GRK2: variants seen among roughly 807,000 people sequenced by gnomAD.
GRK2 encodes the protein G protein-coupled receptor kinase 2, also known as adrenergic beta receptor kinase 1.
GRK2 carries 23 observed loss-of-function variants against 97.8 expected under a neutral mutation model. That is an observed-to-expected ratio of 0.24 (90% confidence interval 0.17 to 0.33). GRK2 has a LOEUF of 0.33. Among genes scored for constraint, GRK2 ranks in the 10% least tolerant of loss-of-function variants. The probability of loss-of-function intolerance (pLI) is 1.00; values close to 1 mark genes in which losing one functional copy is unlikely to be tolerated. For synonymous variants in GRK2, 425 were observed against 381.7 expected, an observed-to-expected ratio of 1.11 and a Z score of -1.32; for missense variants, 633 against 956.9, an observed-to-expected ratio of 0.66 and a Z score of 4.47.
chr11:67,282,947 C>A lies in GRK2; in HGVS notation c.1227+129C>A. 1 of 1,199,392 alleles carries A rather than the reference C, an allele frequency of 8.3e-7. No homozygotes were observed. Among genetic ancestry groups the A allele is most frequent in the Non-Finnish European group, 1.2e-6 (1 of 840,762 alleles). 74.3% of individuals were successfully genotyped at this position (1,199,392 alleles called of 1,614,324 possible). A position where few individuals can be genotyped will look rare whatever the true frequency, so the allele number is the denominator to read the frequency against. ...CTGACCCCTACTCTGGCCTCTGAGA[C>A]AGACCTCCTGCCCCATAGGCTCTCG... On this transcript the variant is annotated intron_variant, in intron 14 of 20. Transcript: ENST00000308595. The surrounding 1 kb of genome is among the most constrained non-coding windows in gnomAD (Gnocchi z 6.9).
intron 2 of GRK2, among the ~76,000 whole-genome samples, chr11:67,277,981 G>C (rs1444915568): frequency 6.6e-6 from 1 of 152,232 alleles, no homozygotes; most frequent in African/African-American, 2.4e-5. Flanking sequence ...TCAGGCATTG[G>C]GGGTCAGCCT....
Position 67,282,071 on chromosome 11 carries a change from C to A in GRK2, c.957+119C>A. Reference sequence around the variant, plus strand: ...CTGGGACATGGCCGCCCCGTATCTTCCCATCTCCGCCCCTGCCCTTCCCAC... The same window carrying A: ...CTGGGACATGGCCGCCCCGTATCTTACCATCTCCGCCCCTGCCCTTCCCAC... On this transcript the variant is annotated intron_variant, in intron 11 of 20. Transcript: ENST00000308595. This position sits in a 1 kb window ranked among gnomAD's most constrained non-coding sequence, Gnocchi z 6.9. 1 of 1,366,894 alleles carries A rather than the reference C, an allele frequency of 7.3e-7. No homozygotes were observed. Among genetic ancestry groups the A allele is most frequent in the Non-Finnish European group, 1.0e-6 (1 of 992,510 alleles). The allele number at this position is 1,366,894 out of a possible 1,614,324, so 84.7% of individuals were successfully genotyped here.
chr11:67,267,626 G>A (rs1349721748), intron 1 of GRK2, among the ~76,000 whole-genome samples: 1 of 152,220 alleles, frequency 6.6e-6, no homozygotes, highest in Non-Finnish European at 1.5e-5. Context: ...CTTAGCTGCC[G>A]CCTCTGTAAG....
At chr11:67,273,917 C>T (rs1453927394) in intron 1 of GRK2, among the ~76,000 whole-genome samples, 1 of 151,968 alleles carries the variant, frequency 6.6e-6, no homozygotes, top group Admixed American at 6.6e-5. Context: ...ACCAAGCATG[C>T]TTCCCCCTTG....
At chr11:67,280,185 G>A (rs781645850) in intron 6 of GRK2, 9 of 503,056 alleles carry the variant, frequency 1.8e-5, no homozygotes, top group African/African-American at 3.9e-5. Context: ...TCTCTCCCGT[G>A]GGCTGTATAG....
chr11:67,284,035 C>T, intron 17 of GRK2, 86 bp downstream of exon 17: 2 of 1,435,582 alleles, frequency 1.4e-6, no homozygotes, highest in South Asian at 2.5e-5. Flanking sequence ...ACCTGTGAGA[C>T]CCTGTGCCAG....
In GRK2 at chr11:67,269,337, T is replaced by G. The variant is rs1859861450; in HGVS notation, c.113+2525T>G. Among the ~76,000 whole-genome samples, 1 of 152,182 alleles carries G rather than the reference T, an allele frequency of 6.6e-6. No homozygotes were observed. Among genetic ancestry groups the G allele is most frequent in the Admixed American group, 6.5e-5 (1 of 15,284 alleles). ...GGATTCTCCCCTTTAGCAGTTGAAG[T>G]TATTGAGGCTCAGGGAGGGGAGGAG... On this transcript the variant is annotated intron_variant, in intron 1 of 20. Transcript: ENST00000308595. The surrounding 1 kb of genome is among the most constrained non-coding windows in gnomAD (Gnocchi z 4.1).
chr11:67,276,415 G>C lies in GRK2; in HGVS notation c.114-857G>C, dbSNP rs1590849416. On this transcript the variant is annotated intron_variant, in intron 1 of 20. Transcript: ENST00000308595. This position sits in a 1 kb window ranked among gnomAD's most constrained non-coding sequence, Gnocchi z 4.2. ...GGCGCTCCCAGACAGCACTCAGTGT[G>C]GGGTGAGATAAACAGGGTGGGGGAT... The C allele has an allele frequency of 6.6e-6, 1 of 152,304 alleles. No homozygotes were observed. Among genetic ancestry groups the C allele is most frequent in the South Asian group, 2.1e-4 (1 of 4,832 alleles). The allele number at this position is 152,304 out of a possible 1,614,324, so 9.4% of individuals were successfully genotyped here. A position where few individuals can be genotyped will look rare whatever the true frequency, so the allele number is the denominator to read the frequency against.
Position 67,281,412 on chromosome 11 carries a change from GC to G in GRK2, c.648-43del. On this transcript the variant is annotated intron_variant, in intron 8 of 20. Coordinates refer to ENST00000308595, the MANE Select transcript of GRK2 (RefSeq NM_001619.5). The surrounding 1 kb of genome is among the most constrained non-coding windows in gnomAD (Gnocchi z 5.7). Reference sequence around the variant, plus strand: ...CAAGCGCCCCCTGAGGCAGCCCTGGGCCCCTGCTCTGAGGGTGGGTGTTGAC... The same window carrying G: ...CAAGCGCCCCCTGAGGCAGCCCTGGGCCCTGCTCTGAGGGTGGGTGTTGAC... 1 of 1,555,618 alleles carries G rather than the reference GC, an allele frequency of 6.4e-7. No individual in the cohort carries two copies.
intron 15 of GRK2, 173 bp from the exon 16 acceptor site, chr11:67,283,533 TA>T: frequency 1.5e-6 from 1 of 689,050 alleles, no homozygotes; most frequent in Non-Finnish European, 2.5e-6. Flanking sequence ...TTACCAGTGT[TA>T]AAACCCACAA....
In GRK2 at chr11:67,281,343, C is replaced by T. The variant is rs182616334; in HGVS notation, c.648-116C>T. ...CTCCTCTGGCCCCAGCCCTCCCTGT[C>T]TCTGATTTGTGTCACACGCTGGTCC... On this transcript the variant is annotated intron_variant, in intron 8 of 20. Coordinates refer to ENST00000308595, the MANE Select transcript of GRK2 (RefSeq NM_001619.5). This position sits in a 1 kb window ranked among gnomAD's most constrained non-coding sequence, Gnocchi z 5.7. The T allele has an allele frequency of 8.7e-7, 1 of 1,145,944 alleles. No homozygotes were observed. The highest frequency in any genetic ancestry group is 2.5e-5 in the East Asian group (1 of 40,162). The allele number at this position is 1,145,944 out of a possible 1,614,324, so 71.0% of individuals were successfully genotyped here. A position where few individuals can be genotyped will look rare whatever the true frequency, so the allele number is the denominator to read the frequency against.
rs1193422396 is a variant in GRK2 at position 67,286,423 on chromosome 11, C to A, written c.*973C>A. 7 of 695,708 alleles carry A rather than the reference C, an allele frequency of 1.0e-5. No individual in the cohort carries two copies. Among genetic ancestry groups the A allele is most frequent in the South Asian group, 4.5e-5 (3 of 67,060 alleles). 43.1% of individuals were successfully genotyped at this position (695,708 alleles called of 1,614,324 possible). On this transcript the variant is annotated 3_prime_UTR_variant, in exon 21 of 21. Coordinates refer to ENST00000308595, the MANE Select transcript of GRK2 (RefSeq NM_001619.5). ...CTGCCTGTGTGGTGTCGCGCCTTCT[C>A]CCCCCCGGGGCTGGGTTGGCGCACC...
At position 67,281,486 on chromosome 11, in the gene GRK2, G is replaced by A. The variant is rs1860150163; in HGVS notation, c.675G>A (p.Lys225=). ...ACGCCATGAAGTGCCTGGACAAAAAGCGCATCAAGATGAAGCAGGGGGAGA... is the reference window on the plus strand; with the variant it reads ...ACGCCATGAAGTGCCTGGACAAAAAACGCATCAAGATGAAGCAGGGGGAGA... ...KMYAMKCLDK[K]RIKMKQGETL... Residue 225 remains lysine, a synonymous_variant, in exon 9 of 21, where the codon AAG becomes AAA. Coordinates refer to ENST00000308595, the MANE Select transcript of GRK2 (RefSeq NM_001619.5). The surrounding 1 kb of genome is among the most constrained non-coding windows in gnomAD (Gnocchi z 5.7). 1.4e-5 allele frequency: 23 copies of A among 1,613,708 alleles called. No individual in the cohort carries two copies. The highest frequency in any genetic ancestry group is 1.5e-5 in the Non-Finnish European group (18 of 1,179,972).
Position 67,281,331 on chromosome 11 carries a change from A to T in GRK2, c.648-128A>T. Reference sequence around the variant, plus strand: ...TACCCCCGCAGGCTCCTCTGGCCCCAGCCCTCCCTGTCTCTGATTTGTGTC... The same window carrying T: ...TACCCCCGCAGGCTCCTCTGGCCCCTGCCCTCCCTGTCTCTGATTTGTGTC... On this transcript the variant is annotated intron_variant, in intron 8 of 20. Coordinates refer to ENST00000308595, the MANE Select transcript of GRK2 (RefSeq NM_001619.5). This position sits in a 1 kb window ranked among gnomAD's most constrained non-coding sequence, Gnocchi z 5.7. 1 of 1,101,548 alleles carries T rather than the reference A, an allele frequency of 9.1e-7. No individual in the cohort carries two copies. Among genetic ancestry groups the T allele is most frequent in the Admixed American group, 2.0e-5 (1 of 50,222 alleles). 68.2% of individuals were successfully genotyped at this position (1,101,548 alleles called of 1,614,324 possible).
Position 67,276,091 on chromosome 11 carries a change from G to A in GRK2, c.114-1181G>A, listed in dbSNP as rs958685738. On this transcript the variant is annotated intron_variant, in intron 1 of 20. Coordinates refer to ENST00000308595, the MANE Select transcript of GRK2 (RefSeq NM_001619.5). The surrounding 1 kb of genome is among the most constrained non-coding windows in gnomAD (Gnocchi z 4.2). The stretch of plus-strand genomic sequence containing the variant: ...GCAAGCACAGAGAACCTGGACTTGC[G>A]GATCCAAATCTCCACCAGCTGCAGT... Among the ~76,000 whole-genome samples, 7 of 152,196 alleles carry A rather than the reference G, an allele frequency of 4.6e-5. No homozygotes were observed. The highest frequency in any genetic ancestry group is 7.2e-5 in the African/African-American group (3 of 41,432).
In GRK2 at chr11:67,276,037, G is replaced by A. The variant is rs1438246375; in HGVS notation, c.114-1235G>A. 1.3e-5 allele frequency among the ~76,000 whole-genome samples: 2 copies of A among 152,236 alleles called. No homozygotes were observed. The highest frequency in any genetic ancestry group is 3.8e-4 in the East Asian group (2 of 5,198). On this transcript the variant is annotated intron_variant, in intron 1 of 20. Transcript: ENST00000308595. This position sits in a 1 kb window ranked among gnomAD's most constrained non-coding sequence, Gnocchi z 4.2. ...GGGCTGGGCTCCTAGGGGCAGGCAG[G>A]GCCGGGGTGCAGAAAGGCAGGGGCC...
chr11:67,267,118 C>T (rs1277627784), intron 1 of GRK2, among the ~76,000 whole-genome samples: 1 of 152,084 alleles, frequency 6.6e-6, no homozygotes, highest in African/African-American at 2.4e-5. Flanking sequence ...CCACCGGCCC[C>T]CCGAAGTCGC....
chr11:67,280,518 G>C, intron 6 of GRK2: 1 of 606,620 alleles, frequency 1.6e-6, no homozygotes, highest in South Asian at 1.9e-5. Context: ...CCAGGTGGCC[G>C]AGGGCCATGC....
Position 67,271,109 on chromosome 11 carries a change from G to A in GRK2, c.113+4297G>A, listed in dbSNP as rs1051192338. 5.9e-5 allele frequency: 9 copies of A among 152,358 alleles called. No homozygotes were observed. In the East Asian group the frequency reaches 1.5e-3, roughly 26 times the overall value. The allele number at this position is 152,358 out of a possible 1,614,324, so 9.4% of individuals were successfully genotyped here. On this transcript the variant is annotated intron_variant, in intron 1 of 20. Transcript: ENST00000308595. ...ATGCTCTTGCCTCGGAACACACAGT[G>A]GGAACCAAAAGCACAGTGTAGCCCT...
Sources: allele counts gnomAD v4.1 joint callset (sites outside exome capture counted in the v4.1 genomes callset), GRCh38; gene constraint gnomAD v4.1.1; non-coding constraint Gnocchi (gnomAD v3.1); transcripts MANE v1.5; gene names NCBI Gene and HGNC (gene_info 2026-07-23, HGNC 2026-07-21).